Variants in ZDHHC17 observed in about 807,000 individuals in gnomAD.
ZDHHC17 encodes the protein palmitoyltransferase ZDHHC17.
In ZDHHC17, 40 loss-of-function variants were observed where a neutral mutation model predicts 90.3. The ratio of observed to expected loss-of-function variants is 0.44; its 90% CI spans 0.34 to 0.58. The LOEUF is 0.58. ZDHHC17 is among the 20% of genes least tolerant of loss of function. The pLI, the probability that ZDHHC17 is intolerant of heterozygous loss-of-function variation, is 0.01. For missense variants in ZDHHC17, 614 were observed against 780.8 expected, an observed-to-expected ratio of 0.79 and a Z score of 2.55; for synonymous variants, 235 against 252.4, an observed-to-expected ratio of 0.93 and a Z score of 0.65.
At chr12:76,841,286 T>C (rs1953431546) in intron 10 of ZDHHC17, among the ~76,000 whole-genome samples, 1 of 152,178 alleles carries the variant, frequency 6.6e-6, no homozygotes, top group Non-Finnish European at 1.5e-5. Flanking sequence ...CAAAAAGTCT[T>C]ATGAAATTCT....
chr12:76,829,790 A>G (rs944936822), intron 10 of ZDHHC17, among the ~76,000 whole-genome samples: 2 of 152,168 alleles, frequency 1.3e-5, no homozygotes, highest in Admixed American at 6.5e-5. Flanking sequence ...GTATTTTCAC[A>G]TATTTGCTAA....
chr12:76,799,062 G>T (rs754691555), intron 2 of ZDHHC17, among the ~76,000 whole-genome samples: 4 of 152,130 alleles, frequency 2.6e-5, no homozygotes, highest in Non-Finnish European at 5.9e-5. Flanking sequence ...GCTTGTGCCT[G>T]AGAATTCGAG....
rs73391823 is a variant in ZDHHC17 at position 76,812,505 on chromosome 12, T to C, written c.544-2641T>C. On this transcript the variant is annotated intron_variant, in intron 5 of 16. Coordinates refer to ENST00000426126, the MANE Select transcript of ZDHHC17 (RefSeq NM_015336.4). Reference sequence around the variant, plus strand: ...TTCCTAATTATAAGCAGTAATAAAATTAGCATATTTTTATTTCTTCTTCCC... The same window carrying C: ...TTCCTAATTATAAGCAGTAATAAAACTAGCATATTTTTATTTCTTCTTCCC... 9.3e-3 allele frequency among the ~76,000 whole-genome samples: 1,419 copies of C among 152,270 alleles called. 16 individuals carry two copies. The highest frequency in any genetic ancestry group is 0.032 in the African/African-American group (1,350 of 41,562).
At chr12:76,836,747 G>A (rs1039597869) in intron 10 of ZDHHC17, among the ~76,000 whole-genome samples, 1 of 152,046 alleles carries the variant, frequency 6.6e-6, no homozygotes, top group African/African-American at 2.4e-5. Context: ...TCTGTTTGCA[G>A]CATCATTTAT....
chr12:76,818,007 C>G (rs2137773164), intron 7 of ZDHHC17, among the ~76,000 whole-genome samples: 1 of 151,962 alleles, frequency 6.6e-6, no homozygotes, highest in Middle Eastern at 3.4e-3. Flanking sequence ...TCATTTTTTT[C>G]CAGTTATTTT....
At chr12:76,788,210 G>A (rs1302224972) in intron 1 of ZDHHC17, among the ~76,000 whole-genome samples, 1 of 152,168 alleles carries the variant, frequency 6.6e-6, no homozygotes, top group African/African-American at 2.4e-5. Context: ...AGAGAGACTG[G>A]GGAATTGCAT....
intron 1 of ZDHHC17, among the ~76,000 whole-genome samples, chr12:76,779,367 TGGCTGGGGAGGCCTCACAATCATG>T (rs1207980503): frequency 6.6e-6 from 1 of 152,190 alleles, no homozygotes; most frequent in Non-Finnish European, 1.5e-5. Context: ...CAGTTACACA[TGGCTGGGGAGGCCTCACAATCATG>T]GCAGAAGGCA....
intron 1 of ZDHHC17, among the ~76,000 whole-genome samples, chr12:76,765,966 T>A (rs1952425981): frequency 6.6e-6 from 1 of 152,230 alleles, no homozygotes; most frequent in African/African-American, 2.4e-5. Context: ...CTACTTAAAG[T>A]GCTGGGATTA....
At chr12:76,837,698 T>C (rs940699452) in intron 10 of ZDHHC17, among the ~76,000 whole-genome samples, 94 of 152,308 alleles carry the variant, frequency 6.2e-4, no homozygotes, top group African/African-American at 2.2e-3. Flanking sequence ...TATCTGAAAT[T>C]TTCTGTTAGG....
chr12:76,835,249 C>G (rs1445750407), intron 10 of ZDHHC17, among the ~76,000 whole-genome samples: 1 of 132,564 alleles, frequency 7.5e-6, no homozygotes, highest in Middle Eastern at 3.9e-3. Flanking sequence ...AGGGGTTTTA[C>G]CATGTTGTCC....
intron 5 of ZDHHC17, among the ~76,000 whole-genome samples, chr12:76,811,463 G>A (rs995664330): frequency 2.0e-5 from 3 of 151,882 alleles, no homozygotes; most frequent in Non-Finnish European, 2.9e-5. Flanking sequence ...TATTGATTTT[G>A]GAGTTTGGAT....
chr12:76,790,976 CAAAG>C (rs1446627098), intron 1 of ZDHHC17, among the ~76,000 whole-genome samples: 3 of 152,042 alleles, frequency 2.0e-5, no homozygotes, highest in African/African-American at 4.8e-5. Context: ...GTTCTCAACA[CAAAG>C]AAATGATCAA....
intron 1 of ZDHHC17, among the ~76,000 whole-genome samples, chr12:76,793,734 C>T (rs1009123251): frequency 1.3e-5 from 2 of 152,106 alleles, no homozygotes; most frequent in African/African-American, 4.8e-5. Flanking sequence ...GGATTTTTTT[C>T]TATTATACCA....
intron 1 of ZDHHC17, among the ~76,000 whole-genome samples, chr12:76,781,019 A>T (rs1952618283): frequency 6.6e-6 from 1 of 151,528 alleles, no homozygotes; most frequent in South Asian, 2.1e-4. Flanking sequence ...CCGTAGTCCC[A>T]GCTACTCGGG....
chr12:76,794,930 G>A (rs187305470), intron 1 of ZDHHC17, among the ~76,000 whole-genome samples: 16 of 152,232 alleles, frequency 1.1e-4, no homozygotes, highest in Middle Eastern at 3.4e-3. Context: ...GCATTTTGCC[G>A]TAGCACATTT....
At chr12:76,778,789 C>T (rs1474062584) in intron 1 of ZDHHC17, among the ~76,000 whole-genome samples, 2 of 152,154 alleles carry the variant, frequency 1.3e-5, no homozygotes, top group Admixed American at 1.3e-4. Context: ...GTCTGTATGA[C>T]TTTGTCAGGG....
At chr12:76,789,665 T>C (rs1371498100) in intron 1 of ZDHHC17, among the ~76,000 whole-genome samples, 4 of 151,814 alleles carry the variant, frequency 2.6e-5, no homozygotes, top group Admixed American at 6.6e-5. Context: ...TACATAAACA[T>C]TTGGGGAAAT....
At chr12:76,791,492 GTTTTA>G (rs1434676145) in intron 1 of ZDHHC17, among the ~76,000 whole-genome samples, 5 of 152,002 alleles carry the variant, frequency 3.3e-5, no homozygotes, top group African/African-American at 9.6e-5. Context: ...TATGCTTTTT[GTTTTA>G]TTTTGTTTTA....
intron 1 of ZDHHC17, among the ~76,000 whole-genome samples, chr12:76,776,733 T>C (rs1209412578): frequency 6.6e-6 from 1 of 152,202 alleles, no homozygotes; most frequent in African/African-American, 2.4e-5. Context: ...ATTAGCTATG[T>C]GTGGCTAGTG....
Sources: gnomAD v4.1 joint callset for allele counts (sites outside exome capture counted in the v4.1 genomes callset) on GRCh38, gnomAD v4.1.1 for gene constraint, MANE v1.5 for transcripts, NCBI Gene and HGNC (gene_info 2026-07-23, HGNC 2026-07-21) for gene names.